ACOX3: variants seen among roughly 807,000 people sequenced by gnomAD.
The protein encoded by ACOX3 is acyl-CoA oxidase 3, pristanoyl.
ACOX3 carries 73 observed loss-of-function variants against 81.5 expected under a neutral mutation model. The observed-to-expected ratio is 0.90, with a 90% CI of 0.74 to 1.09. ACOX3 has a LOEUF of 1.09. ACOX3 is among the 50% of genes least tolerant of loss of function. The probability of loss-of-function intolerance (pLI) is 0.00; values close to 1 mark genes in which losing one functional copy is unlikely to be tolerated. For missense variants in ACOX3, 947 were observed against 928.0 expected, an observed-to-expected ratio of 1.02 and a Z score of -0.27; for synonymous variants, 387 against 375.1, an observed-to-expected ratio of 1.03 and a Z score of -0.37.
Position 8,416,991 on chromosome 4 carries a change from G to A in ACOX3, c.-14-456C>T, listed in dbSNP as rs1309669145. On this transcript the variant is annotated intron_variant, in intron 1 of 17. Coordinates refer to ENST00000356406, the MANE Select transcript of ACOX3 (RefSeq NM_003501.3). The surrounding 1 kb of genome is among the most constrained non-coding windows in gnomAD (Gnocchi z 4.2). ...CTGGCCACACACAATGGTACCTCACGTCTCCACCCACCGCCGGTCCACCTG... is the reference window on the plus strand; with the variant it reads ...CTGGCCACACACAATGGTACCTCACATCTCCACCCACCGCCGGTCCACCTG... 1.3e-5 allele frequency among the ~76,000 whole-genome samples: 2 copies of A among 152,182 alleles called. No individual in the cohort carries two copies. The highest frequency in any genetic ancestry group is 2.4e-5 in the African/African-American group (1 of 41,446).
chr4:8,372,792 CA>C (rs1374839742), intron 16 of ACOX3, among the ~76,000 whole-genome samples: 5 of 152,230 alleles, frequency 3.3e-5, no homozygotes, highest in African/African-American at 4.8e-5. Context: ...TGCTAAAATG[CA>C]GCAGCACTCA....
chr4:8,430,349 C>T lies in ACOX3; in HGVS notation c.-15+10299G>A, dbSNP rs950404229. Among the ~76,000 whole-genome samples the T allele has an allele frequency of 6.6e-6, 1 of 152,180 alleles. No homozygotes were observed. The highest frequency in any genetic ancestry group is 1.5e-5 in the Non-Finnish European group (1 of 68,040). The stretch of plus-strand genomic sequence containing the variant: ...GGGTCTATTGTGTTTTTGCAAAGGT[C>T]CCTGAATCCCCAGGAGCAACAAGGA... On this transcript the variant is annotated intron_variant, in intron 1 of 17. Transcript: ENST00000356406. The surrounding 1 kb of genome is among the most constrained non-coding windows in gnomAD (Gnocchi z 5.2).
At chr4:8,358,234 C>T in the ACOX3 span, 1 of 152,146 alleles carries the variant, frequency 6.6e-6, no homozygotes, top group Non-Finnish European at 1.5e-5. Flanking sequence ...AATCTGCTTC[C>T]CTTATTAGGC....
At position 8,368,766 on chromosome 4, in the gene ACOX3, T is replaced by C. The variant is rs969804979; in HGVS notation, c.1984-1686A>G. On this transcript the variant is annotated intron_variant, in intron 17 of 17. Transcript: ENST00000356406. The surrounding 1 kb of genome is among the most constrained non-coding windows in gnomAD (Gnocchi z 5.9). ...TTTTTTGAGATGAGGTCTCACCCTG[T>C]TGGCCAGGCTGGAGTGCAGTGGCGC... Among the ~76,000 whole-genome samples the C allele has an allele frequency of 6.6e-6, 1 of 151,716 alleles. No individual in the cohort carries two copies. The highest frequency in any genetic ancestry group is 2.4e-5 in the African/African-American group (1 of 41,230).
At chr4:8,408,884 C>A (rs1159912405) in intron 6 of ACOX3, among the ~76,000 whole-genome samples, 1 of 63,784 alleles carries the variant, frequency 1.6e-5, no homozygotes, top group Non-Finnish European at 2.8e-5. Flanking sequence ...TGGGACTGAG[C>A]CCTCACTGGG....
chr4:8,410,884 G>A lies in ACOX3; in HGVS notation c.544-529C>T, dbSNP rs539509033. Among the ~76,000 whole-genome samples, 59 of 152,312 alleles carry A rather than the reference G, an allele frequency of 3.9e-4. No individual in the cohort carries two copies. The South Asian group carries it at 6.2e-3, about 16-fold the overall frequency. The stretch of plus-strand genomic sequence containing the variant: ...AGGCAGCCGCTCAGAACATCAGAAG[G>A]AAGGAAGGAAGGAACGCATGCGTGA... On this transcript the variant is annotated intron_variant, in intron 5 of 17. Coordinates refer to ENST00000356406, the MANE Select transcript of ACOX3 (RefSeq NM_003501.3).
In ACOX3 at chr4:8,389,711, C is replaced by T; in HGVS notation, c.1324G>A (p.Asp442Asn). The change falls in exon 12 of 18, where the codon GAT becomes AAT. Residue 442 changes from aspartate to asparagine, a missense_variant. Coordinates refer to ENST00000356406, the MANE Select transcript of ACOX3 (RefSeq NM_003501.3). The surrounding 1 kb of genome is among the most constrained non-coding windows in gnomAD (Gnocchi z 5.3). Reference protein sequence around the residue: ...LAMNRLGVLRDDNDPNCTYEG... With the variant: ...LAMNRLGVLRNDNDPNCTYEG... Reference sequence around the variant, plus strand: ...TATGTGCAGTTGGGATCGTTGTCATCTCTAAGGACACCCAACCGGTTCACT... The same window carrying T: ...TATGTGCAGTTGGGATCGTTGTCATTTCTAAGGACACCCAACCGGTTCACT... The T allele has an allele frequency of 6.2e-7, 1 of 1,614,070 alleles. No individual in the cohort carries two copies. The highest frequency in any genetic ancestry group is 8.5e-7 in the Non-Finnish European group (1 of 1,179,988).
chr4:8,373,607 T>C lies in ACOX3; in HGVS notation c.1850A>G (p.Gln617Arg). 2 of 1,613,220 alleles carry C rather than the reference T, an allele frequency of 1.2e-6. No individual in the cohort carries two copies. The highest frequency in any genetic ancestry group is 1.7e-6 in the Non-Finnish European group (2 of 1,179,604). ...LYRGGYFSGEQAGEVLESAVL... is the reference protein window; with the variant it reads ...LYRGGYFSGERAGEVLESAVL... ...GGCGCTCTCCAACACTTCTCCCGCCTGCTCACCGGAGAAGTATCCTCCTGC... is the reference window on the plus strand; with the variant it reads ...GGCGCTCTCCAACACTTCTCCCGCCCGCTCACCGGAGAAGTATCCTCCTGC... The change falls in exon 16 of 18, where the codon CAG (glutamine) becomes CGG (arginine). Residue 617 changes from glutamine to arginine, a missense_variant. By Grantham distance (43) the Gln-to-Arg change is conservative (BLOSUM62 1). Transcript: ENST00000356406.
the ACOX3 span, among the ~76,000 whole-genome samples, chr4:8,360,064 T>C: frequency 1.3e-5 from 2 of 152,210 alleles, no homozygotes; most frequent in Non-Finnish European, 2.9e-5. Flanking sequence ...CTCAAAAAAC[T>C]GGATGAGGTT....
Position 8,419,340 on chromosome 4 carries a change from G to A in ACOX3, c.-14-2805C>T, listed in dbSNP as rs1359941275. On this transcript the variant is annotated intron_variant, in intron 1 of 17. Transcript: ENST00000356406. The surrounding 1 kb of genome is among the most constrained non-coding windows in gnomAD (Gnocchi z 4.2). ...AGTCCCAGCTACTTGGGAGGCTGAGGCAGAGAATTACTTAAACCCGGGAGG... is the reference window on the plus strand; with the variant it reads ...AGTCCCAGCTACTTGGGAGGCTGAGACAGAGAATTACTTAAACCCGGGAGG... 6.6e-6 allele frequency among the ~76,000 whole-genome samples: 1 copy of A among 151,872 alleles called. No individual in the cohort carries two copies. The highest frequency in any genetic ancestry group is 2.4e-5 in the African/African-American group (1 of 41,296).
Position 8,416,753 on chromosome 4 carries a change from A to G in ACOX3, c.-14-218T>C, listed in dbSNP as rs1012786151. ...CGTCCACTCCTGAACACAGATGCCA[A>G]GGACACAGAAGAGAGCCAGGCACAG... On this transcript the variant is annotated intron_variant, in intron 1 of 17. Transcript: ENST00000356406. This position sits in a 1 kb window ranked among gnomAD's most constrained non-coding sequence, Gnocchi z 4.2. Among the ~76,000 whole-genome samples, 1 of 152,270 alleles carries G rather than the reference A, an allele frequency of 6.6e-6. No individual in the cohort carries two copies. The highest frequency in any genetic ancestry group is 1.5e-5 in the Non-Finnish European group (1 of 68,040).
chr4:8,397,130 G>C lies in ACOX3; in HGVS notation c.874-11C>G. On this transcript the variant is annotated splice_polypyrimidine_tract_variant and intron_variant, in intron 8 of 17. Coordinates refer to ENST00000356406, the MANE Select transcript of ACOX3 (RefSeq NM_003501.3). ...GCGCTGCCTGACGTCCTACGGGAGG[G>C]ACACAGATGATAAGCTCAAGCCCGG... The C allele has an allele frequency of 6.5e-7, 1 of 1,540,510 alleles. No individual in the cohort carries two copies. Among genetic ancestry groups the C allele is most frequent in the Non-Finnish European group, 8.7e-7 (1 of 1,147,778 alleles).
chr4:8,416,370 C>A lies in ACOX3; in HGVS notation c.144+8G>T. 1 of 1,614,150 alleles carries A rather than the reference C, an allele frequency of 6.2e-7. No individual in the cohort carries two copies. The highest frequency in any genetic ancestry group is 8.5e-7 in the Non-Finnish European group (1 of 1,180,038). On this transcript the variant is annotated splice_region_variant and intron_variant, in intron 2 of 17. Coordinates refer to ENST00000356406, the MANE Select transcript of ACOX3 (RefSeq NM_003501.3). This position sits in a 1 kb window ranked among gnomAD's most constrained non-coding sequence, Gnocchi z 4.2. ...AAAAGACAAGCTGCGCACAACCGCA[C>A]GCCTCACCTTAAAGCGGAGCATGCC...
intron 7 of ACOX3, among the ~76,000 whole-genome samples, chr4:8,404,898 G>C (rs762996988): frequency 1.3e-5 from 2 of 152,110 alleles, no homozygotes; most frequent in Non-Finnish European, 2.9e-5. Context: ...CGTGGGCACA[G>C]AGGGGTCTAC....
rs755036511 is a variant in ACOX3 at position 8,389,154 on chromosome 4, C to T, written c.1537+19G>A. Reference sequence around the variant, plus strand: ...CAGGAAATCAGGAGGCCAGGGGAGCCCTCCACCTGTGTGTTTACCTGCAGA... The same window carrying T: ...CAGGAAATCAGGAGGCCAGGGGAGCTCTCCACCTGTGTGTTTACCTGCAGA... On this transcript the variant is annotated intron_variant, in intron 13 of 17. Transcript: ENST00000356406. The surrounding 1 kb of genome is among the most constrained non-coding windows in gnomAD (Gnocchi z 5.3). 3.1e-6 allele frequency: 5 copies of T among 1,599,112 alleles called. No individual in the cohort carries two copies. In the South Asian group the frequency reaches 5.5e-5, roughly 18 times the overall value.
rs1717797241 is a variant in ACOX3 at position 8,382,502 on chromosome 4, G to A, written c.1538-895C>T. 6.6e-6 allele frequency among the ~76,000 whole-genome samples: 1 copy of A among 152,182 alleles called. No homozygotes were observed. Among genetic ancestry groups the A allele is most frequent in the South Asian group, 2.1e-4 (1 of 4,832 alleles). ...GAGGCCACGCTCACACCCACCCCCT[G>A]CCCAGGCACAGAGGGCCTGGCGCCC... On this transcript the variant is annotated intron_variant, in intron 13 of 17. Transcript: ENST00000356406. The surrounding 1 kb of genome is among the most constrained non-coding windows in gnomAD (Gnocchi z 4.1).
chr4:8,361,621 G>C (rs1715236116), downstream of ACOX3, among the ~76,000 whole-genome samples: 1 of 151,928 alleles, frequency 6.6e-6, no homozygotes, highest in African/African-American at 2.4e-5. Flanking sequence ...AAGCATAACA[G>C]GTTTTTTCTT....
chr4:8,393,510 C>CAAACAAACAA lies in ACOX3; in HGVS notation c.1180-1058_1180-1057insTTGTTTGTTT, dbSNP rs71175483. ...TCTCAAAAACAAACAAACAAACAAA[C>CAAACAAACAA]AAACAAAAACTTAAGAGACTGATTC... On this transcript the variant is annotated intron_variant, in intron 10 of 17. Coordinates refer to ENST00000356406, the MANE Select transcript of ACOX3 (RefSeq NM_003501.3). 6.0e-5 allele frequency among the ~76,000 whole-genome samples: 9 copies of CAAACAAACAA among 150,176 alleles called. No homozygotes were observed. The East Asian group carries it at 1.8e-3, about 29-fold the overall frequency.
chr4:8,396,396 G>T (rs1417018487), intron 9 of ACOX3, among the ~76,000 whole-genome samples: 1 of 152,190 alleles, frequency 6.6e-6, no homozygotes, highest in Non-Finnish European at 1.5e-5. Context: ...CTTCTTTCTG[G>T]CCGGGCACAG....
Sources: gnomAD v4.1 joint callset for allele counts (sites outside exome capture counted in the v4.1 genomes callset) on GRCh38, gnomAD v4.1.1 for gene constraint, Gnocchi (gnomAD v3.1) non-coding constraint, MANE v1.5 for transcripts, NCBI Gene and HGNC (gene_info 2026-07-23, HGNC 2026-07-21) for gene names.